The following GNL1 variants were observed in gnomAD, a reference collection of about 807,000 sequenced individuals.
GNL1 encodes guanine nucleotide-binding protein-like 1.
A neutral mutation model predicts 75.2 loss-of-function variants in GNL1; 21 were observed. The observed-to-expected ratio is 0.28, with a 90% CI of 0.20 to 0.40. GNL1 has a LOEUF of 0.40. Ranked by LOEUF, GNL1 falls within the 10% of genes least tolerant of loss-of-function variation. The probability of loss-of-function intolerance (pLI) is 1.00; values close to 1 mark genes in which losing one functional copy is unlikely to be tolerated. For missense variants in GNL1, 579 were observed against 775.0 expected, an observed-to-expected ratio of 0.75 and a Z score of 3.00; for synonymous variants, 287 against 303.4, an observed-to-expected ratio of 0.95 and a Z score of 0.56.
chr6:30,544,753 G>GTTAACAGGGTCTGTCTGCTCGCA lies in GNL1; in HGVS notation c.*1296_*1318dup, dbSNP rs1380491947. 2.6e-5 allele frequency: 4 copies of GTTAACAGGGTCTGTCTGCTCGCA among 152,102 alleles called. No homozygotes were observed. The highest frequency in any genetic ancestry group is 5.9e-5 in the Non-Finnish European group (4 of 68,008). The allele number at this position is 152,102 out of a possible 1,614,324, so 9.4% of individuals were successfully genotyped here. A position where few individuals can be genotyped will look rare whatever the true frequency, so the allele number is the denominator to read the frequency against. On this transcript the variant is annotated 3_prime_UTR_variant, in exon 12 of 12. Coordinates refer to ENST00000376621, the MANE Select transcript of GNL1 (RefSeq NM_005275.5). ...TAAATATACTTTCCTTTGCTCCTTG[G>GTTAACAGGGTCTGTCTGCTCGCA]TTAACAGGGTCTGTCTGCTCGCATT... is the stretch of plus-strand genomic sequence containing the variant.
rs528200053 is a variant in GNL1 at position 30,554,646 on chromosome 6, T to A, written c.529A>T (p.Thr177Ser). ...AACACCCGCCACAGCTGCCTCCATG[T>A]CTAAAAAGACAGGATCAGGAAGAGA... ...KLSYFEHNLETWRQLWRVLEM... is the reference protein window; with the variant it reads ...KLSYFEHNLESWRQLWRVLEM... Residue 177 changes from threonine (T) to serine (S), a missense_variant and splice_region_variant, in exon 5 of 12, where the codon ACA (threonine) becomes TCA (serine). Coordinates refer to ENST00000376621, the MANE Select transcript of GNL1 (RefSeq NM_005275.5). The A allele has an allele frequency of 1.2e-6, 2 of 1,606,942 alleles. No homozygotes were observed. Among genetic ancestry groups the A allele is most frequent in the South Asian group, 2.2e-5 (2 of 90,966 alleles).
Position 30,555,949 on chromosome 6 carries a change from T to G in GNL1, c.73+182A>C, listed in dbSNP as rs1800143555. On this transcript the variant is annotated intron_variant, in intron 1 of 11. Coordinates refer to ENST00000376621, the MANE Select transcript of GNL1 (RefSeq NM_005275.5). This position sits in a 1 kb window ranked among gnomAD's most constrained non-coding sequence, Gnocchi z 4.3. ...TGGAGGGATTCCCCTCCCCCAACTCTCCATCCTTCCCCACCCCTTCCAGAT... is the reference window on the plus strand; with the variant it reads ...TGGAGGGATTCCCCTCCCCCAACTCGCCATCCTTCCCCACCCCTTCCAGAT... 1.2e-6 allele frequency: 1 copy of G among 849,874 alleles called. No individual in the cohort carries two copies. 52.6% of individuals were successfully genotyped at this position (849,874 alleles called of 1,614,324 possible). A position where few individuals can be genotyped will look rare whatever the true frequency, so the allele number is the denominator to read the frequency against.
rs754392086 is a variant in GNL1, at chr6:30,547,068, G to A, written c.1441+44C>T. 1 of 1,546,276 alleles carries A rather than the reference G, an allele frequency of 6.5e-7. No homozygotes were observed. The highest frequency in any genetic ancestry group is 2.2e-5 in the East Asian group (1 of 44,610). On this transcript the variant is annotated intron_variant, in intron 10 of 11. Transcript: ENST00000376621. This position sits in a 1 kb window ranked among gnomAD's most constrained non-coding sequence, Gnocchi z 5.5. ...TAAAAGGCGAGGCAGGTAAGGAAGA[G>A]CAGCTGAAACCAGGTGGGGCGAAGC... is the stretch of plus-strand genomic sequence containing the variant.
At chr6:30,550,830 A>C (rs1487612302) in intron 8 of GNL1, among the ~76,000 whole-genome samples, 1 of 151,942 alleles carries the variant, frequency 6.6e-6, no homozygotes, top group African/African-American at 2.4e-5. Flanking sequence ...TGGTCCTAGA[A>C]TCTCCAAGCC....
In GNL1 at chr6:30,553,360, G is replaced by A. The variant is rs2074505; in HGVS notation, c.798C>T (p.Asp266=). The change falls in exon 6 of 12, where the codon GAC becomes GAT. Residue 266 remains aspartate, a synonymous_variant. Transcript: ENST00000376621. ...SFPRDPRTPQ[D]PSSVLKKSRR... Reference sequence around the variant, plus strand: ...TCATTGCCCACTCACCACTACTAGGGTCCTGTGGGGTGCGGGGGTCCCGAG... The same window carrying A: ...TCATTGCCCACTCACCACTACTAGGATCCTGTGGGGTGCGGGGGTCCCGAG... The A allele has an allele frequency of 0.67, 1,074,077 of 1,609,648 alleles. 360,056 individuals are homozygous for A. The highest frequency in any genetic ancestry group is 0.76 in the South Asian group (69,599 of 90,992).
chr6:30,551,334 G>A (rs1365896760), intron 8 of GNL1, among the ~76,000 whole-genome samples: 1 of 152,158 alleles, frequency 6.6e-6, no homozygotes, highest in Admixed American at 6.5e-5. Context: ...ACTGGAAAGA[G>A]GAGCAATCAC....
At position 30,555,459 on chromosome 6, in the gene GNL1, G is replaced by A; in HGVS notation, c.239+96C>T. On this transcript the variant is annotated intron_variant, in intron 2 of 11. Transcript: ENST00000376621. This position sits in a 1 kb window ranked among gnomAD's most constrained non-coding sequence, Gnocchi z 4.3. ...CTAGCGGAGAACTGTGGCATCCCAGGCCCACCGTCTTCACCAGTAGCAGCC... is the reference window on the plus strand; with the variant it reads ...CTAGCGGAGAACTGTGGCATCCCAGACCCACCGTCTTCACCAGTAGCAGCC... The A allele has an allele frequency of 1.6e-6, 2 of 1,254,062 alleles. No homozygotes were observed. Among genetic ancestry groups the A allele is most frequent in the Non-Finnish European group, 2.2e-6 (2 of 889,602 alleles). The allele number at this position is 1,254,062 out of a possible 1,614,324, so 77.7% of individuals were successfully genotyped here.
Position 30,555,912 on chromosome 6 carries a change from C to A in GNL1, c.74-192G>T, listed in dbSNP as rs1461786084. Reference sequence around the variant, plus strand: ...CCTTCAGGGAGCAGTGGGGACGGCGCCCCGTGCTAGCTGGAGGGATTCCCC... The same window carrying A: ...CCTTCAGGGAGCAGTGGGGACGGCGACCCGTGCTAGCTGGAGGGATTCCCC... On this transcript the variant is annotated intron_variant, in intron 1 of 11. Coordinates refer to ENST00000376621, the MANE Select transcript of GNL1 (RefSeq NM_005275.5). This position sits in a 1 kb window ranked among gnomAD's most constrained non-coding sequence, Gnocchi z 4.3. The A allele has an allele frequency of 8.9e-6, 7 of 789,606 alleles. No individual in the cohort carries two copies. Among genetic ancestry groups the A allele is most frequent in the Non-Finnish European group, 1.4e-5 (7 of 496,342 alleles). 48.9% of individuals were successfully genotyped at this position (789,606 alleles called of 1,614,324 possible).
At position 30,547,156 on chromosome 6, in the gene GNL1, T is replaced by C; in HGVS notation, c.1397A>G (p.Asp466Gly). 6.2e-7 allele frequency: 1 copy of C among 1,612,398 alleles called. No individual in the cohort carries two copies. The highest frequency in any genetic ancestry group is 8.5e-7 in the Non-Finnish European group (1 of 1,179,542). The part of the protein sequence containing the change: ...LLHLRHPEAE[D>G]PSAEHPWCAW... ...ACACCAGGGGTGTTCCGCTGAGGGGTCCTCAGCCTCTGGGTGGCGCAGGTG... is the reference window on the plus strand; with the variant it reads ...ACACCAGGGGTGTTCCGCTGAGGGGCCCTCAGCCTCTGGGTGGCGCAGGTG... Residue 466 changes from aspartate to glycine, a missense_variant, in exon 10 of 12, where the codon GAC becomes GGC. Physicochemically the swap from Asp to Gly is moderately conservative, Grantham distance 94 (BLOSUM62 -1). Coordinates refer to ENST00000376621, the MANE Select transcript of GNL1 (RefSeq NM_005275.5). The surrounding 1 kb of genome is among the most constrained non-coding windows in gnomAD (Gnocchi z 5.5).
chr6:30,547,541 C>G lies in GNL1; in HGVS notation c.1100-11G>C. 1 of 1,612,324 alleles carries G rather than the reference C, an allele frequency of 6.2e-7. No homozygotes were observed. The highest frequency in any genetic ancestry group is 8.5e-7 in the Non-Finnish European group (1 of 1,178,960). Reference sequence around the variant, plus strand: ...CCACATTAGGGAAACCTGAGGAAGGCAAGGAAAATTAACGTTTAACAGGTT... The same window carrying G: ...CCACATTAGGGAAACCTGAGGAAGGGAAGGAAAATTAACGTTTAACAGGTT... On this transcript the variant is annotated splice_polypyrimidine_tract_variant and intron_variant, in intron 8 of 11. Transcript: ENST00000376621. The surrounding 1 kb of genome is among the most constrained non-coding windows in gnomAD (Gnocchi z 5.5).
In GNL1 at chr6:30,555,076, C is replaced by T. The variant is rs761319838; in HGVS notation, c.355G>A (p.Glu119Lys). The change falls in exon 3 of 12, where the codon GAG becomes AAG. Residue 119 changes from glutamate to lysine, a missense_variant. By Grantham distance (56) the Glu-to-Lys change is moderately conservative. Coordinates refer to ENST00000376621, the MANE Select transcript of GNL1 (RefSeq NM_005275.5). The surrounding 1 kb of genome is among the most constrained non-coding windows in gnomAD (Gnocchi z 4.3). ...SAELLELDIREVYQPGSVLDF... is the reference protein window; with the variant it reads ...SAELLELDIRKVYQPGSVLDF... ...TCACCTGAGCCAGGCTGATACACCT[C>T]CCGGATGTCCAGCTCCAACAACTCA... 20 of 1,612,938 alleles carry T rather than the reference C, an allele frequency of 1.2e-5. No individual in the cohort carries two copies. Among genetic ancestry groups the T allele is most frequent in the African/African-American group, 5.3e-5 (4 of 74,904 alleles).
Position 30,555,482 on chromosome 6 carries a change from G to T in GNL1, c.239+73C>A. The T allele has an allele frequency of 6.9e-7, 1 of 1,441,082 alleles. No individual in the cohort carries two copies. The allele number at this position is 1,441,082 out of a possible 1,614,324, so 89.3% of individuals were successfully genotyped here. A position where few individuals can be genotyped will look rare whatever the true frequency, so the allele number is the denominator to read the frequency against. ...AGGCCCACCGTCTTCACCAGTAGCA[G>T]CCCGCTTTCCCCCAAAGCTCTGACT... On this transcript the variant is annotated intron_variant, in intron 2 of 11. Transcript: ENST00000376621. The surrounding 1 kb of genome is among the most constrained non-coding windows in gnomAD (Gnocchi z 4.3).
chr6:30,550,555 C>A (rs909002001), intron 8 of GNL1, among the ~76,000 whole-genome samples: 1 of 152,142 alleles, frequency 6.6e-6, no homozygotes, highest in Non-Finnish European at 1.5e-5. Flanking sequence ...ACTGAAATAG[C>A]CTCAACTGCT....
In GNL1 at chr6:30,543,102, G is replaced by A. The variant is rs1246849182; in HGVS notation, c.*2970C>T. ...TCAGCATGGACATCTGTTCCTCTAG[G>A]ACGCTTCCCCTGATTCACCAAGACC... On this transcript the variant is annotated 3_prime_UTR_variant, in exon 12 of 12. Transcript: ENST00000376621. The A allele has an allele frequency of 6.6e-6, 1 of 152,336 alleles. No individual in the cohort carries two copies. Among genetic ancestry groups the A allele is most frequent in the Non-Finnish European group, 1.5e-5 (1 of 68,070 alleles). 9.4% of individuals were successfully genotyped at this position (152,336 alleles called of 1,614,324 possible).
rs1799352022 is a variant in GNL1, at chr6:30,544,675, A to T, written c.*1397T>A. 6.6e-6 allele frequency: 1 copy of T among 152,230 alleles called. No individual in the cohort carries two copies. Among genetic ancestry groups the T allele is most frequent in the South Asian group, 2.1e-4 (1 of 4,828 alleles). 9.4% of individuals were successfully genotyped at this position (152,230 alleles called of 1,614,324 possible). A position where few individuals can be genotyped will look rare whatever the true frequency, so the allele number is the denominator to read the frequency against. ...AATTCCAGGAGTTATGTCCACACTG[A>T]GACCAATGGAGATGAACCTAAAGCA... On this transcript the variant is annotated 3_prime_UTR_variant, in exon 12 of 12. Coordinates refer to ENST00000376621, the MANE Select transcript of GNL1 (RefSeq NM_005275.5).
chr6:30,546,627 G>T lies in GNL1; in HGVS notation c.1582+69C>A. On this transcript the variant is annotated intron_variant, in intron 11 of 11. Transcript: ENST00000376621. The surrounding 1 kb of genome is among the most constrained non-coding windows in gnomAD (Gnocchi z 5.1). The stretch of plus-strand genomic sequence containing the variant: ...AGAATCCAGGTTTGACCCTCTCTCT[G>T]GCCACAAAGCCCACACCCTTTTACC... 7.7e-7 allele frequency: 1 copy of T among 1,304,190 alleles called. No individual in the cohort carries two copies. Among genetic ancestry groups the T allele is most frequent in the Non-Finnish European group, 1.1e-6 (1 of 935,570 alleles). 80.8% of individuals were successfully genotyped at this position (1,304,190 alleles called of 1,614,324 possible).
In GNL1 at chr6:30,546,037, G is replaced by C; in HGVS notation, c.*35C>G. 2 of 1,518,316 alleles carry C rather than the reference G, an allele frequency of 1.3e-6. No homozygotes were observed. The highest frequency in any genetic ancestry group is 1.8e-6 in the Non-Finnish European group (2 of 1,104,828). The allele number at this position is 1,518,316 out of a possible 1,614,324, so 94.1% of individuals were successfully genotyped here. A position where few individuals can be genotyped will look rare whatever the true frequency, so the allele number is the denominator to read the frequency against. On this transcript the variant is annotated 3_prime_UTR_variant, in exon 12 of 12. Transcript: ENST00000376621. The surrounding 1 kb of genome is among the most constrained non-coding windows in gnomAD (Gnocchi z 5.1). ...ACCCCCAGGTCAGTCCAAAAGCAAA[G>C]ATACTGGGAGGGAAGATGGCGCTGG...
chr6:30,541,784 C>A lies in GNL1; in HGVS notation c.*4288G>T, dbSNP rs1799182107. The A allele has an allele frequency of 6.6e-6, 1 of 152,224 alleles. No homozygotes were observed. The highest frequency in any genetic ancestry group is 2.4e-5 in the African/African-American group (1 of 41,450). The allele number at this position is 152,224 out of a possible 1,614,324, so 9.4% of individuals were successfully genotyped here. On this transcript the variant is annotated 3_prime_UTR_variant, in exon 12 of 12. Transcript: ENST00000376621. ...CGTATATTACTGACACTGGAACAGA[C>A]ATGTTTTAACAAACTGGTTGAGCCG...
rs757038361 is a variant in GNL1 at position 30,556,225 on chromosome 6, C to T, written c.-22G>A. The T allele has an allele frequency of 5.0e-6, 8 of 1,600,398 alleles. No individual in the cohort carries two copies. The highest frequency in any genetic ancestry group is 2.7e-5 in the African/African-American group (2 of 74,894). On this transcript the variant is annotated 5_prime_UTR_variant, in exon 1 of 12. Transcript: ENST00000376621. The surrounding 1 kb of genome is among the most constrained non-coding windows in gnomAD (Gnocchi z 5.7). ...GCATGGCCCGGACCAGTCACCTGGC[C>T]CGCCCTCCGCCGAGCTCCCGCCGCC...
Sources: allele counts gnomAD v4.1 joint callset (sites outside exome capture counted in the v4.1 genomes callset), GRCh38; gene constraint gnomAD v4.1.1; non-coding constraint Gnocchi (gnomAD v3.1); transcripts MANE v1.5; gene names NCBI Gene and HGNC (gene_info 2026-07-23, HGNC 2026-07-21).